ACSL1: variants seen among roughly 807,000 people sequenced by gnomAD.
The protein encoded by ACSL1 is acyl-CoA synthetase long chain family member 1.
In ACSL1, 41 loss-of-function variants were observed where a neutral mutation model predicts 98.4. That is an observed-to-expected ratio of 0.42 (90% CI 0.32 to 0.54). ACSL1 has a LOEUF of 0.54. Among genes scored for constraint, ACSL1 ranks in the 20% least tolerant of loss-of-function variants. The pLI, the probability that ACSL1 is intolerant of heterozygous loss-of-function variation, is 0.13. For missense variants in ACSL1, 734 were observed against 883.1 expected (o/e 0.83, Z 2.14); for synonymous variants, 316 against 322.7 (o/e 0.98, Z 0.22).
intron 2 of ACSL1, among the ~76,000 whole-genome samples, chr4:184,799,281 T>C (rs1199962762): frequency 1.3e-5 from 2 of 152,196 alleles, no homozygotes; most frequent in South Asian, 2.1e-4. Context: ...CACGCCTGGC[T>C]AATTTTTGTA....
intron 16 of ACSL1, 78 bp downstream of exon 16, chr4:184,763,089 G>T: frequency 6.9e-7 from 1 of 1,449,048 alleles, no homozygotes; most frequent in Non-Finnish European, 9.5e-7. Context: ...GAGCTGTTGG[G>T]AAATACCACA....
rs1026668056 is a variant in ACSL1 at position 184,781,726 on chromosome 4, C to T, written c.376-1293G>A. On this transcript the variant is annotated intron_variant, in intron 4 of 20. Coordinates refer to ENST00000281455, the MANE Select transcript of ACSL1 (RefSeq NM_001995.5). ...CGGGTTCAAGAAATTCTCCCTGCCT[C>T]AGCCTCCAGAATAGCTGGGATTACA... Among the ~76,000 whole-genome samples, 9 of 152,124 alleles carry T rather than the reference C, an allele frequency of 5.9e-5. No individual in the cohort carries two copies. The East Asian group carries it at 1.2e-3, about 20-fold the overall frequency.
chr4:184,769,867 G>T (rs867871481), intron 11 of ACSL1, among the ~76,000 whole-genome samples: 14 of 152,322 alleles, frequency 9.2e-5, no homozygotes, highest in African/African-American at 3.1e-4. Flanking sequence ...TGATTACAGG[G>T]AGCCTAGGCA....
upstream of ACSL1, chr4:184,826,040 C>A (rs1160559828): frequency 2.7e-5 from 4 of 147,962 alleles, no homozygotes; most frequent in South Asian, 1.9e-4. Context: ...GTTGCGCCCC[C>A]GCCACCGCCG....
intron 2 of ACSL1, among the ~76,000 whole-genome samples, chr4:184,789,918 C>A (rs889743955): frequency 1.3e-5 from 2 of 150,256 alleles, no homozygotes; most frequent in African/African-American, 4.9e-5. Flanking sequence ...GAGGGGCCTT[C>A]ACTTTTACAA....
chr4:184,778,643 G>A (rs889106560), intron 5 of ACSL1, among the ~76,000 whole-genome samples: 4 of 152,148 alleles, frequency 2.6e-5, no homozygotes, highest in East Asian at 1.9e-4. Flanking sequence ...CTTGCCTTAC[G>A]TGGTACCTCA....
At chr4:184,819,752 G>T (rs1254931311) in intron 1 of ACSL1, among the ~76,000 whole-genome samples, 2 of 152,140 alleles carry the variant, frequency 1.3e-5, no homozygotes, top group Non-Finnish European at 2.9e-5. Flanking sequence ...GCCTTATGGA[G>T]GGGAGCCTGG....
chr4:184,820,541 G>A (rs1772984195), intron 1 of ACSL1, among the ~76,000 whole-genome samples: 1 of 152,184 alleles, frequency 6.6e-6, no homozygotes, highest in African/African-American at 2.4e-5. Flanking sequence ...TCAAGGAGCA[G>A]TGACACCGAA....
chr4:184,821,250 A>G (rs1490382365), intron 1 of ACSL1: 1 of 362,938 alleles, frequency 2.8e-6, no homozygotes, highest in Non-Finnish European at 5.5e-6. Context: ...AGGAGAAACT[A>G]GCTCCGGAAG....
intron 1 of ACSL1, chr4:184,808,479 T>A (rs1176666783): frequency 1.0e-6 from 1 of 985,298 alleles, no homozygotes; most frequent in East Asian, 1.1e-4. Context: ...AGTGGCAAAT[T>A]AAGAAAGCCT....
chr4:184,820,282 G>A (rs1579973693), intron 1 of ACSL1, among the ~76,000 whole-genome samples: 1 of 152,198 alleles, frequency 6.6e-6, no homozygotes, highest in African/African-American at 2.4e-5. Context: ...CTCCCAAAGT[G>A]CTGGGATTAC....
chr4:184,813,678 C>T (rs1772343936), intron 1 of ACSL1: 1 of 309,190 alleles, frequency 3.2e-6, no homozygotes, highest in Non-Finnish European at 6.8e-6. Flanking sequence ...GGCTTTTTGC[C>T]ACTGAAATAA....
At chr4:184,808,456 C>T in intron 1 of ACSL1, 2 of 985,452 alleles carry the variant, frequency 2.0e-6, no homozygotes, top group Non-Finnish European at 2.4e-6. Flanking sequence ...ATAAATGACA[C>T]CCTTGCCCCT....
At chr4:184,812,212 G>T in intron 1 of ACSL1, 4 of 985,354 alleles carry the variant, frequency 4.1e-6, no homozygotes, top group Non-Finnish European at 3.6e-6. Context: ...CCCGGCCAGG[G>T]TCTCCTCCCA....
intron 1 of ACSL1, chr4:184,812,310 C>T (rs1579962904): frequency 1.2e-6 from 1 of 836,414 alleles, no homozygotes; most frequent in East Asian, 1.2e-4. Flanking sequence ...GAATGACCCT[C>T]TGTGATTCTG....
chr4:184,786,600 C>T (rs1365622762), intron 3 of ACSL1, among the ~76,000 whole-genome samples: 1 of 152,010 alleles, frequency 6.6e-6, no homozygotes, highest in Non-Finnish European at 1.5e-5. Flanking sequence ...TGTAATAGGG[C>T]TTAATGCACG....
chr4:184,825,225 G>T lies in ACSL1; in HGVS notation c.-33+691C>A. 1.0e-6 allele frequency: 1 copy of T among 985,324 alleles called. No homozygotes were observed. The highest frequency in any genetic ancestry group is 1.2e-6 in the Non-Finnish European group (1 of 829,896). The allele number at this position is 985,324 out of a possible 1,614,324, so 61.0% of individuals were successfully genotyped here. A position where few individuals can be genotyped will look rare whatever the true frequency, so the allele number is the denominator to read the frequency against. On this transcript the variant is annotated intron_variant, in intron 1 of 20. Coordinates refer to ENST00000281455, the MANE Select transcript of ACSL1 (RefSeq NM_001995.5). This position sits in a 1 kb window ranked among gnomAD's most constrained non-coding sequence, Gnocchi z 4.7. The stretch of plus-strand genomic sequence containing the variant: ...CACGTGTCCATTCAAGTCATCTACC[G>T]CCACTCTCCGTCTACGCTGCCAGGT...
Position 184,757,734 on chromosome 4 carries a change from TC to T in ACSL1, c.1885-29del. Reference sequence around the variant, plus strand: ...AAAAGGGTAAGAAAAATAAATTACTTCCTCTGTTAGAGGTCCCTGAATATCT... The same window carrying T: ...AAAAGGGTAAGAAAAATAAATTACTTCTCTGTTAGAGGTCCCTGAATATCT... On this transcript the variant is annotated intron_variant, in intron 19 of 20. Coordinates refer to ENST00000281455, the MANE Select transcript of ACSL1 (RefSeq NM_001995.5). The surrounding 1 kb of genome is among the most constrained non-coding windows in gnomAD (Gnocchi z 4.5). The T allele has an allele frequency of 6.2e-7, 1 of 1,612,528 alleles. No individual in the cohort carries two copies. The highest frequency in any genetic ancestry group is 8.5e-7 in the Non-Finnish European group (1 of 1,178,786).
At chr4:184,784,409 G>C (rs1766865392) in intron 3 of ACSL1, among the ~76,000 whole-genome samples, 2 of 152,102 alleles carry the variant, frequency 1.3e-5, no homozygotes, top group Admixed American at 6.5e-5. Flanking sequence ...TTCTAATTCA[G>C]AATACGGAAA....
Sources: allele counts gnomAD v4.1 joint callset (sites outside exome capture counted in the v4.1 genomes callset), GRCh38; gene constraint gnomAD v4.1.1; non-coding constraint Gnocchi (gnomAD v3.1); transcripts MANE v1.5; gene names NCBI Gene and HGNC (gene_info 2026-07-23, HGNC 2026-07-21).